Variants in MCOLN3 observed in about 807,000 individuals in gnomAD.
The protein encoded by MCOLN3 is mucolipin TRP cation channel 3.
A neutral mutation model predicts 69.4 loss-of-function variants in MCOLN3; 62 were observed. The observed-to-expected ratio is 0.89, with a 90% confidence interval of 0.73 to 1.10. The LOEUF is 1.10. Among genes scored for constraint, MCOLN3 ranks in the 50% least tolerant of loss-of-function variants. The probability of loss-of-function intolerance (pLI) is 0.00; values close to 1 mark genes in which losing one functional copy is unlikely to be tolerated. For synonymous variants in MCOLN3, 183 were observed against 217.0 expected (o/e 0.84, Z 1.38); for missense variants, 564 against 656.4 (o/e 0.86, Z 1.54).
rs560879379 is a variant in MCOLN3 at position 85,034,246 on chromosome 1, C to T, written c.402G>A (p.Leu134=). The change falls in exon 4 of 13, where the codon TTG becomes TTA. Residue 134 remains leucine (L), a synonymous_variant. Transcript: ENST00000370589. ...TCCCAACGGAGACATTGTATAGCTG[C>T]AAGTACTTCAACCAAAATGAGAAAC... ...DQLIFAVNQY[L]QLYNVSVGNH... The T allele has an allele frequency of 6.2e-7, 1 of 1,614,040 alleles. No homozygotes were observed. Among genetic ancestry groups the T allele is most frequent in the East Asian group, 2.2e-5 (1 of 44,876 alleles).
Position 85,019,821 on chromosome 1 carries a change from C to A in MCOLN3, c.1528-564G>T, listed in dbSNP as rs527514739. Among the ~76,000 whole-genome samples the A allele has an allele frequency of 1.9e-4, 29 of 152,250 alleles. No individual in the cohort carries two copies. In the South Asian group the frequency reaches 5.2e-3, roughly 27 times the overall value. On this transcript the variant is annotated intron_variant, in intron 12 of 12. Transcript: ENST00000370589. ...TAAGGGACCTTTCCAATCTGCACACCCTTTTGGAGTCAGTCTTCCAGCCAG... is the reference window on the plus strand; with the variant it reads ...TAAGGGACCTTTCCAATCTGCACACACTTTTGGAGTCAGTCTTCCAGCCAG...
chr1:85,040,136 G>C (rs528051667), intron 3 of MCOLN3, among the ~76,000 whole-genome samples: 83 of 152,206 alleles, frequency 5.5e-4, no homozygotes, highest in African/African-American at 2.0e-3. Flanking sequence ...GTAGGACATA[G>C]TTCTGTTGAA....
At chr1:85,026,674 G>A (rs746231425) in intron 7 of MCOLN3, among the ~76,000 whole-genome samples, 11 of 151,630 alleles carry the variant, frequency 7.3e-5, no homozygotes, top group African/African-American at 1.2e-4. Flanking sequence ...GCAGAATGGC[G>A]TGGACCTGGA....
intron 2 of MCOLN3, among the ~76,000 whole-genome samples, chr1:85,044,867 AT>A (rs1270040127): frequency 3.3e-5 from 5 of 152,220 alleles, no homozygotes; most frequent in African/African-American, 1.2e-4. Context: ...GAAGCCAAAT[AT>A]TAGTTTTCTT....
rs1653502286 is a variant in MCOLN3 at position 85,048,430 on chromosome 1, G to A, written c.-37C>T. 1 of 152,122 alleles carries A rather than the reference G, an allele frequency of 6.6e-6. No individual in the cohort carries two copies. 9.4% of individuals were successfully genotyped at this position (152,122 alleles called of 1,614,324 possible). A position where few individuals can be genotyped will look rare whatever the true frequency, so the allele number is the denominator to read the frequency against. Reference sequence around the variant, plus strand: ...AGCGGGGAGCGGCCGCAGCTCCGGTGTCCGCGGCGAGGGCGCAGGGCGAGT... The same window carrying A: ...AGCGGGGAGCGGCCGCAGCTCCGGTATCCGCGGCGAGGGCGCAGGGCGAGT... On this transcript the variant is annotated 5_prime_UTR_variant, in exon 1 of 13. Transcript: ENST00000370589.
At chr1:85,036,630 C>T (rs1164233420) in intron 3 of MCOLN3, 1 of 152,156 alleles carries the variant, frequency 6.6e-6, no homozygotes, top group South Asian at 2.1e-4. Context: ...TTTCCATGTC[C>T]TGAGAGACCT....
rs779556849 is a variant in MCOLN3 at position 85,021,258 on chromosome 1, C to A, written c.1339G>T (p.Val447Phe). The part of the protein sequence containing the change: ...YHDKFRSLNM[V>F]SECLFSLING... ...ATCAGAGAGAAAAGGCACTCAGAGA[C>A]CATGTTCAGAGAACGAAACTGGAAA... Residue 447 changes from valine (V) to phenylalanine (F), a missense_variant, in exon 12 of 13, where the codon GTC becomes TTC. Transcript: ENST00000370589. The A allele has an allele frequency of 1.2e-6, 2 of 1,611,396 alleles. No homozygotes were observed. The highest frequency in any genetic ancestry group is 3.4e-5 in the Admixed American group (2 of 59,558).
At chr1:85,026,412 G>T in intron 7 of MCOLN3, 128 bp from the exon 8 acceptor site, 1 of 678,192 alleles carries the variant, frequency 1.5e-6, no homozygotes, top group Non-Finnish European at 2.5e-6. Context: ...CCTGATAAAC[G>T]GTCTTCCAAT....
chr1:85,034,437 T>C (rs1557689318), intron 3 of MCOLN3, among the ~76,000 whole-genome samples, 186 bp from the exon 4 acceptor site: 1 of 152,230 alleles, frequency 6.6e-6, no homozygotes, highest in East Asian at 1.9e-4. Flanking sequence ...CAAATTAGAG[T>C]TCTAGATTCA....
At chr1:85,035,607 A>G (rs181934005) in intron 3 of MCOLN3, among the ~76,000 whole-genome samples, 76 of 152,312 alleles carry the variant, frequency 5.0e-4, no homozygotes, top group African/African-American at 1.8e-3. Context: ...AAAGTCATGC[A>G]TGACTTTCAA....
intron 1 of MCOLN3, among the ~76,000 whole-genome samples, chr1:85,046,929 TAAAGG>T (rs1163515320): frequency 6.6e-6 from 1 of 152,200 alleles, no homozygotes; most frequent in Non-Finnish European, 1.5e-5. Context: ...GGTAAAGGCA[TAAAGG>T]AAAGAAAAAG....
At chr1:85,047,324 G>T (rs572363338) in intron 1 of MCOLN3, 1 of 152,348 alleles carries the variant, frequency 6.6e-6, no homozygotes, top group East Asian at 1.9e-4. Context: ...GAAAAGTCAG[G>T]TTTACCCAGT....
In MCOLN3 at chr1:85,022,076, A is replaced by G; in HGVS notation, c.1314T>C (p.His438=). The change falls in exon 11 of 13, where the codon CAT becomes CAC. Residue 438 remains histidine, a synonymous_variant. Coordinates refer to ENST00000370589, the MANE Select transcript of MCOLN3 (RefSeq NM_018298.11). ...AAAAGTTGTTTATCAGTACCTTGTC[A>G]TGGTAAGGCCCCAGCACGATCCATC... ...FCGWIVLGPY[H]DKFRSLNMVS... 6.2e-7 allele frequency: 1 copy of G among 1,613,722 alleles called. No homozygotes were observed. The highest frequency in any genetic ancestry group is 8.5e-7 in the Non-Finnish European group (1 of 1,179,828).
At position 85,018,712 on chromosome 1, in the gene MCOLN3, C is replaced by A; in HGVS notation, c.*411G>T. The A allele has an allele frequency of 6.3e-6, 1 of 159,078 alleles. No homozygotes were observed. Among genetic ancestry groups the A allele is most frequent in the Non-Finnish European group, 1.4e-5 (1 of 72,790 alleles). 9.9% of individuals were successfully genotyped at this position (159,078 alleles called of 1,614,324 possible). On this transcript the variant is annotated 3_prime_UTR_variant, in exon 13 of 13. Transcript: ENST00000370589. ...CTACACCCACTCTCTCAAGGATGGACTCCTGAGAGTGGTCCAAGCCAGGGT... is the reference window on the plus strand; with the variant it reads ...CTACACCCACTCTCTCAAGGATGGAATCCTGAGAGTGGTCCAAGCCAGGGT...
intron 3 of MCOLN3, among the ~76,000 whole-genome samples, chr1:85,034,782 T>TA (rs1188786410): frequency 6.6e-6 from 1 of 152,132 alleles, no homozygotes; most frequent in East Asian, 1.9e-4. Context: ...CCTCTACATT[T>TA]AAAAAAATTA....
Position 85,034,193 on chromosome 1 carries a change from T to C in MCOLN3, c.455A>G (p.Lys152Arg). The C allele has an allele frequency of 6.2e-7, 1 of 1,614,208 alleles. No individual in the cohort carries two copies. Among genetic ancestry groups the C allele is most frequent in the Non-Finnish European group, 8.5e-7 (1 of 1,180,018 alleles). Residue 152 changes from lysine to arginine, a missense_variant, in exon 4 of 13, where the codon AAG (lysine) becomes AGG (arginine). Physicochemically the swap from Lys to Arg is conservative, Grantham distance 26. Transcript: ENST00000370589. ...CTGACAGATTGCCATAGCAGATTGC[T>C]TGGTACCTTTGTTCTCATAAGCATG... ...GNHAYENKGT[K>R]QSAMAICQHF...
At chr1:85,021,042 T>C in intron 12 of MCOLN3, 28 bp downstream of exon 12, 1 of 1,535,748 alleles carries the variant, frequency 6.5e-7, no homozygotes, top group African/African-American at 1.4e-5. Context: ...AGGACAATGC[T>C]ACTACTTATG....
intron 3 of MCOLN3, among the ~76,000 whole-genome samples, chr1:85,038,987 C>A (rs1167324945): frequency 2.0e-5 from 3 of 151,714 alleles, no homozygotes; most frequent in Non-Finnish European, 4.4e-5. Context: ...ATGGTGAGAC[C>A]CTGTCTCAAA....
In MCOLN3 at chr1:85,026,068, G is replaced by A. The variant is rs1652199390; in HGVS notation, c.966C>T (p.Leu322=). 1.9e-6 allele frequency: 3 copies of A among 1,601,696 alleles called. No homozygotes were observed. Among genetic ancestry groups the A allele is most frequent in the Non-Finnish European group, 2.6e-6 (3 of 1,174,136 alleles). The part of the protein sequence containing the change: ...QLQQEFVNFF[L]LHYKKEVSVS... ...CAGAAACTTCCTTCTTATAATGGAGGAGGAAAAAATTGACAAACTCCTTTA... is the reference window on the plus strand; with the variant it reads ...CAGAAACTTCCTTCTTATAATGGAGAAGGAAAAAATTGACAAACTCCTTTA... The change falls in exon 9 of 13, where the codon CTC becomes CTT. Residue 322 remains leucine (L), a synonymous_variant. Coordinates refer to ENST00000370589, the MANE Select transcript of MCOLN3 (RefSeq NM_018298.11).
Sources: gnomAD v4.1 joint callset for allele counts (sites outside exome capture counted in the v4.1 genomes callset) on GRCh38, gnomAD v4.1.1 for gene constraint, MANE v1.5 for transcripts, NCBI Gene and HGNC (gene_info 2026-07-23, HGNC 2026-07-21) for gene names.